Variants in MBNL2 observed in about 807,000 individuals in gnomAD.
MBNL2 encodes the protein muscleblind-like protein 2.
MBNL2 carries 17 observed loss-of-function variants against 41.9 expected under a neutral mutation model. The ratio of observed to expected loss-of-function variants is 0.41; its 90% CI spans 0.28 to 0.61. The LOEUF (loss-of-function observed/expected upper bound fraction) is 0.61. Ranked by LOEUF, MBNL2 falls within the 20% of genes least tolerant of loss-of-function variation. The probability of loss-of-function intolerance (pLI) is 0.35; values close to 1 mark genes in which losing one functional copy is unlikely to be tolerated. For synonymous variants in MBNL2, 195 were observed against 182.9 expected (o/e 1.07, Z -0.53); for missense variants, 336 against 505.6 (o/e 0.66, Z 3.22).
intron 8 of MBNL2, among the ~76,000 whole-genome samples, chr13:97,370,856 C>G (rs2064303911): frequency 6.6e-6 from 1 of 152,086 alleles, no homozygotes; most frequent in African/African-American, 2.4e-5. Flanking sequence ...TTCCTAACCT[C>G]TACTAATCAT....
chr13:97,212,391 C>A, the MBNL2 span, among the ~76,000 whole-genome samples: 1 of 152,096 alleles, frequency 6.6e-6, no homozygotes, highest in Non-Finnish European at 1.5e-5. Flanking sequence ...CCACAGCTAC[C>A]CCCACAGTAG....
At chr13:97,302,157 A>G (rs1169944178) in intron 2 of MBNL2, among the ~76,000 whole-genome samples, 2 of 152,172 alleles carry the variant, frequency 1.3e-5, no homozygotes, top group African/African-American at 2.4e-5. Flanking sequence ...AAACAAAACT[A>G]TCTTCCTAAG....
chr13:97,179,488 G>C, the MBNL2 span: 1 of 152,228 alleles, frequency 6.6e-6, no homozygotes, highest in Admixed American at 6.5e-5. Context: ...GTCGGGGGTG[G>C]TCTTCCCATT....
At chr13:97,278,047 G>T (rs1036519501) in intron 2 of MBNL2, among the ~76,000 whole-genome samples, 3 of 151,738 alleles carry the variant, frequency 2.0e-5, no homozygotes, top group Non-Finnish European at 4.4e-5. Flanking sequence ...CGAGATCAGG[G>T]GTTTGAGACC....
At chr13:97,297,084 T>C (rs1256672321) in intron 2 of MBNL2, among the ~76,000 whole-genome samples, 1 of 152,220 alleles carries the variant, frequency 6.6e-6, no homozygotes, top group Non-Finnish European at 1.5e-5. Context: ...AAGGTCAAAG[T>C]TGCTTTTCCA....
At position 97,251,834 on chromosome 13, in the gene MBNL2, C is replaced by CTTT. The variant is rs869034692; in HGVS notation, c.-604-23773_-604-23771dup. ...TATTTATTATCTTGTATCCTCAATT[C>CTTT]TTTTTTTTTTTTTTTTTTTTTTTTT... On this transcript the variant is annotated intron_variant, in intron 1 of 8. Transcript: ENST00000679496. Among the ~76,000 whole-genome samples, 69 of 69,598 alleles carry CTTT rather than the reference C, an allele frequency of 9.9e-4. 6 individuals are homozygous for CTTT. Among genetic ancestry groups the CTTT allele is most frequent in the East Asian group, 3.6e-3 (7 of 1,928 alleles). 45.7% of individuals were successfully genotyped at this position (69,598 alleles called of 152,430 possible).
At chr13:97,329,829 ACACACACAC>A (rs2060278252) in intron 2 of MBNL2, among the ~76,000 whole-genome samples, 1 of 71,000 alleles carries the variant, frequency 1.4e-5, no homozygotes, top group African/African-American at 1.6e-4. Context: ...CACATGCAAC[ACACACACAC>A]ACACACACAC....
At chr13:97,361,937 T>A (rs563930563) in intron 7 of MBNL2, among the ~76,000 whole-genome samples, 26 of 151,414 alleles carry the variant, frequency 1.7e-4, no homozygotes, top group African/African-American at 5.1e-4. Flanking sequence ...ACCTGGCTAA[T>A]TTTTTTTGTA....
intron 1 of MBNL2, among the ~76,000 whole-genome samples, chr13:97,255,393 T>C (rs1312201358): frequency 2.6e-5 from 4 of 152,248 alleles, no homozygotes; most frequent in African/African-American, 9.6e-5. Context: ...AAATGAATGC[T>C]TTCCTAGACT....
the MBNL2 span, among the ~76,000 whole-genome samples, chr13:97,167,854 A>T: frequency 6.6e-6 from 1 of 152,214 alleles, no homozygotes; most frequent in African/African-American, 2.4e-5. Flanking sequence ...TTAAAAAATT[A>T]TTTGTCCCTT....
At chr13:97,217,178 C>T (rs1025188026), upstream of MBNL2, among the ~76,000 whole-genome samples, 2 of 150,554 alleles carry the variant, frequency 1.3e-5, no homozygotes, top group Non-Finnish European at 3.0e-5. Context: ...ATATATATGT[C>T]TCTATGGCTT....
intron 1 of MBNL2, among the ~76,000 whole-genome samples, chr13:97,265,655 G>A (rs2049609181): frequency 6.6e-6 from 1 of 152,084 alleles, no homozygotes. Flanking sequence ...TCATTTTTGT[G>A]TGTGCGTGTG....
intron 8 of MBNL2, among the ~76,000 whole-genome samples, chr13:97,373,949 C>A (rs1460717208): frequency 6.6e-6 from 1 of 151,240 alleles, no homozygotes; most frequent in Non-Finnish European, 1.5e-5. Context: ...ATAAAGACAT[C>A]ATATCAGCTC....
At chr13:97,344,318 A>G (rs1188701713) in intron 4 of MBNL2, among the ~76,000 whole-genome samples, 1 of 152,226 alleles carries the variant, frequency 6.6e-6, no homozygotes, top group Non-Finnish European at 1.5e-5. Context: ...TCACTACAGC[A>G]TTTCATAAGG....
chr13:97,210,571 A>ATTTTTT, the MBNL2 span, among the ~76,000 whole-genome samples: 27 of 65,464 alleles, frequency 4.1e-4, 6 homozygotes, highest in African/African-American at 1.3e-3. Flanking sequence ...ACAACTGTGA[A>ATTTTTT]TTTTTTTTTT....
intron 3 of MBNL2, among the ~76,000 whole-genome samples, chr13:97,340,620 A>G (rs956446059): frequency 1.3e-5 from 2 of 152,200 alleles, no homozygotes; most frequent in South Asian, 2.1e-4. Context: ...CTCATTGCAG[A>G]TAAGAAAATT....
the MBNL2 span, among the ~76,000 whole-genome samples, chr13:97,215,536 A>G: frequency 6.6e-6 from 1 of 152,234 alleles, no homozygotes; most frequent in African/African-American, 2.4e-5. Context: ...GCAATGTGGA[A>G]CAGGAAATGA....
chr13:97,276,097 A>T lies in MBNL2; in HGVS notation c.-139A>T, dbSNP rs2052086623. The T allele has an allele frequency of 1.6e-6, 1 of 640,314 alleles. No individual in the cohort carries two copies. The highest frequency in any genetic ancestry group is 1.9e-5 in the South Asian group (1 of 51,336). The allele number at this position is 640,314 out of a possible 1,614,324, so 39.7% of individuals were successfully genotyped here. On this transcript the variant is annotated 5_prime_UTR_variant, in exon 2 of 9. Transcript: ENST00000679496. ...ACTCTCTCATCATCCTGTTCCTTGG[A>T]TTGGACTTCACTAAGCAATTTATCA...
chr13:97,155,394 A>AT, the MBNL2 span, among the ~76,000 whole-genome samples: 763 of 115,324 alleles, frequency 6.6e-3, 6 homozygotes, highest in African/African-American at 0.021. Flanking sequence ...TTTTTTTTTT[A>AT]TTTTTTTTTT....
Sources: allele counts gnomAD v4.1 joint callset (sites outside exome capture counted in the v4.1 genomes callset), GRCh38; gene constraint gnomAD v4.1.1; transcripts MANE v1.5; gene names NCBI Gene and HGNC (gene_info 2026-07-23, HGNC 2026-07-21).